The following SCFD2 variants were observed in gnomAD, a reference collection of about 807,000 sequenced individuals.
SCFD2 encodes sec1 family domain-containing protein 2.
A neutral mutation model predicts 58.9 loss-of-function variants in SCFD2; 54 were observed. That is an observed-to-expected ratio of 0.92 (90% CI 0.74 to 1.15). The LOEUF is 1.15. Ranked by LOEUF, SCFD2 falls within the 50% of genes most tolerant of loss-of-function variation. SCFD2 has a pLI of 0.00. For missense variants in SCFD2, 805 were observed against 836.6 expected (o/e 0.96, Z 0.47); for synonymous variants, 321 against 335.9 (o/e 0.96, Z 0.49).
chr4:52,948,770 G>A (rs1345796462), intron 5 of SCFD2: 1 of 249,612 alleles, frequency 4.0e-6, no homozygotes, highest in South Asian at 4.4e-5. Context: ...CATGGGGGTG[G>A]ACAGGCTAGA....
At chr4:53,312,507 C>T (rs1032593216) in intron 3 of SCFD2, among the ~76,000 whole-genome samples, 8 of 152,134 alleles carry the variant, frequency 5.3e-5, no homozygotes, top group Admixed American at 5.2e-4. Flanking sequence ...ACCTAGCATA[C>T]TGTAAGTTCT....
At chr4:53,015,025 A>G (rs1160492177) in intron 5 of SCFD2, among the ~76,000 whole-genome samples, 1 of 152,224 alleles carries the variant, frequency 6.6e-6, no homozygotes, top group Non-Finnish European at 1.5e-5. Context: ...AATAAAAACT[A>G]GACATTACAA....
chr4:53,155,795 G>A (rs1726661569), intron 4 of SCFD2, among the ~76,000 whole-genome samples: 1 of 152,198 alleles, frequency 6.6e-6, no homozygotes, highest in Non-Finnish European at 1.5e-5. Flanking sequence ...AATTATATAA[G>A]AGGACAGCAG....
intron 5 of SCFD2, among the ~76,000 whole-genome samples, chr4:53,092,291 C>T (rs1724494605): frequency 6.6e-6 from 1 of 151,962 alleles, no homozygotes; most frequent in African/African-American, 2.4e-5. Flanking sequence ...TTTTTAACAT[C>T]TTGTAAGAAA....
chr4:53,333,934 G>T (rs1733587217), intron 2 of SCFD2, among the ~76,000 whole-genome samples: 1 of 140,576 alleles, frequency 7.1e-6, no homozygotes, highest in Non-Finnish European at 1.5e-5. Flanking sequence ...TCAAAAAGTG[G>T]GTGAAGGACA....
chr4:53,177,249 C>T (rs1205699355), intron 4 of SCFD2, among the ~76,000 whole-genome samples: 1 of 152,072 alleles, frequency 6.6e-6, no homozygotes, highest in Non-Finnish European at 1.5e-5. Flanking sequence ...AATGATAAAA[C>T]AGAGAGTTAG....
chr4:53,119,704 T>C (rs1325276965), intron 5 of SCFD2, among the ~76,000 whole-genome samples: 1 of 152,136 alleles, frequency 6.6e-6, no homozygotes, highest in African/African-American at 2.4e-5. Flanking sequence ...TTTCAGAACT[T>C]TCCAAACCCC....
chr4:53,182,143 A>C (rs1345682593), intron 4 of SCFD2, among the ~76,000 whole-genome samples: 1 of 152,168 alleles, frequency 6.6e-6, no homozygotes, highest in Admixed American at 6.5e-5. Flanking sequence ...ACAGAATTGG[A>C]AAAAACTACT....
intron 5 of SCFD2, among the ~76,000 whole-genome samples, chr4:53,036,229 G>T (rs1722756132): frequency 6.6e-6 from 1 of 151,226 alleles, no homozygotes; most frequent in South Asian, 2.1e-4. Flanking sequence ...CCCCTGACCA[G>T]CCCTGGTGTG....
chr4:52,902,525 C>A (rs1377349524), intron 7 of SCFD2, among the ~76,000 whole-genome samples: 1 of 152,168 alleles, frequency 6.6e-6, no homozygotes, highest in African/African-American at 2.4e-5. Context: ...AGGCTTTGTG[C>A]CCCAAATGCT....
chr4:53,182,039 T>C (rs1032221238), intron 4 of SCFD2, among the ~76,000 whole-genome samples: 2 of 152,112 alleles, frequency 1.3e-5, no homozygotes, highest in African/African-American at 4.8e-5. Flanking sequence ...CATGCTCATG[T>C]CTAGGAAGAA....
intron 1 of SCFD2, among the ~76,000 whole-genome samples, chr4:53,362,204 C>G (rs1377034322): frequency 6.6e-6 from 1 of 152,068 alleles, no homozygotes; most frequent in East Asian, 1.9e-4. Flanking sequence ...CATATGGATA[C>G]CTCGAAGAAG....
At chr4:53,183,161 G>C (rs953159712) in intron 4 of SCFD2, among the ~76,000 whole-genome samples, 16 of 152,032 alleles carry the variant, frequency 1.1e-4, no homozygotes, top group South Asian at 2.1e-4. Context: ...GGTATATACC[G>C]AAAGGATTAT....
intron 5 of SCFD2, among the ~76,000 whole-genome samples, chr4:53,129,218 GAAAACAAAACAAAACAAAAC>G (rs5858206): frequency 1.5e-4 from 23 of 148,658 alleles, no homozygotes; most frequent in Admixed American, 8.7e-4. Context: ...TATCTTGGAA[GAAAACAAAACAAAACAAAAC>G]AAAACAAAAC....
At chr4:53,039,797 A>T (rs1224209530) in intron 5 of SCFD2, among the ~76,000 whole-genome samples, 3 of 152,180 alleles carry the variant, frequency 2.0e-5, no homozygotes, top group Non-Finnish European at 4.4e-5. Context: ...GCTCAGTGAC[A>T]TTGTGACGTA....
intron 5 of SCFD2, among the ~76,000 whole-genome samples, chr4:52,922,748 T>A (rs537593105): frequency 6.6e-6 from 1 of 152,224 alleles, no homozygotes; most frequent in Non-Finnish European, 1.5e-5. Flanking sequence ...GCTGGTCATA[T>A]GGTAACTTTG....
At chr4:53,216,444 A>C (rs1156694046) in intron 4 of SCFD2, among the ~76,000 whole-genome samples, 2 of 152,184 alleles carry the variant, frequency 1.3e-5, no homozygotes, top group Admixed American at 1.3e-4. Context: ...AGAGGTGTTC[A>C]TAGTATTCTC....
chr4:53,349,159 G>A (rs1734143278), intron 2 of SCFD2, among the ~76,000 whole-genome samples: 1 of 152,104 alleles, frequency 6.6e-6, no homozygotes, highest in Non-Finnish European at 1.5e-5. Flanking sequence ...TCACAGCAGG[G>A]GCTCAGTTAG....
chr4:53,218,715 G>A (rs1419061813), intron 4 of SCFD2, among the ~76,000 whole-genome samples: 13 of 152,292 alleles, frequency 8.5e-5, no homozygotes, highest in Admixed American at 6.5e-4. Flanking sequence ...GGGGAGAGGC[G>A]CTCTGATTTT....
Sources: allele counts gnomAD v4.1 joint callset (sites outside exome capture counted in the v4.1 genomes callset), GRCh38; gene constraint gnomAD v4.1.1; transcripts MANE v1.5; gene names NCBI Gene and HGNC (gene_info 2026-07-23, HGNC 2026-07-21).